Variants in SAR1A observed in about 807,000 individuals in gnomAD.
SAR1A encodes the protein secretion associated Ras related GTPase 1A.
In SAR1A, 6 loss-of-function variants were observed where a neutral mutation model predicts 22.6. That is an observed-to-expected ratio of 0.27 (90% CI 0.15 to 0.52). SAR1A has a LOEUF of 0.52. SAR1A is among the 20% of genes least tolerant of loss of function. SAR1A has a pLI of 0.96. For synonymous variants in SAR1A, 70 were observed against 82.2 expected (o/e 0.85, Z 0.80); for missense variants, 145 against 245.1 (o/e 0.59, Z 2.73).
chr10:70,163,881 C>T, intron 1 of SAR1A: 1 of 1,598,696 alleles, frequency 6.3e-7, no homozygotes, highest in Non-Finnish European at 8.6e-7. Context: ...AATTGACTTC[C>T]CTGAATTTCT....
At chr10:70,160,142 C>A (rs1023074189) in intron 4 of SAR1A, among the ~76,000 whole-genome samples, 1 of 151,598 alleles carries the variant, frequency 6.6e-6, no homozygotes, top group African/African-American at 2.4e-5. Flanking sequence ...ATATATGATA[C>A]CGTATACCTG....
intron 1 of SAR1A, among the ~76,000 whole-genome samples, chr10:70,168,924 C>G (rs1839588221): frequency 6.6e-6 from 1 of 152,072 alleles, no homozygotes; most frequent in Admixed American, 6.5e-5. Flanking sequence ...CTCCCAGGCT[C>G]AAGAGATCCT....
intron 5 of SAR1A, among the ~76,000 whole-genome samples, chr10:70,156,002 A>C (rs79821687): frequency 6.6e-6 from 1 of 152,220 alleles, no homozygotes; most frequent in East Asian, 1.9e-4. Flanking sequence ...ATTATGGTGC[A>C]TATCAGGGTC....
chr10:70,162,421 G>GGGAAAGGGAAAGGAAA lies in SAR1A; in HGVS notation c.-16-491_-16-490insTTTCCTTTCCCTTTCC, dbSNP rs1554827414. Among the ~76,000 whole-genome samples, 11 of 115,582 alleles carry GGGAAAGGGAAAGGAAA rather than the reference G, an allele frequency of 9.5e-5. No individual in the cohort carries two copies. The South Asian group carries it at 4.0e-3, about 42-fold the overall frequency. 75.8% of individuals were successfully genotyped at this position (115,582 alleles called of 152,430 possible). ...AAGGAAAGGGAAAGGGAAAGGGAAA[G>GGGAAAGGGAAAGGAAA]GGAAAGGAAAGGAAAGGAAAAGAAA... On this transcript the variant is annotated intron_variant, in intron 1 of 6. Coordinates refer to ENST00000373241, the MANE Select transcript of SAR1A (RefSeq NM_020150.5).
At position 70,152,042 on chromosome 10, in the gene SAR1A, TAAAA is replaced by T. The variant is rs535832748; in HGVS notation, c.*430_*433del. 3 of 187,658 alleles carry T rather than the reference TAAAA, an allele frequency of 1.6e-5. No homozygotes were observed. The highest frequency in any genetic ancestry group is 3.4e-5 in the Non-Finnish European group (3 of 89,384). The allele number at this position is 187,658 out of a possible 1,614,324, so 11.6% of individuals were successfully genotyped here. ...AGTATCTAAATGTCATTCATTAGTTTAAAAAAAAAAAAGAATAGAAAACTCTGGA... is the reference window on the plus strand; with the variant it reads ...AGTATCTAAATGTCATTCATTAGTTTAAAAAAAAGAATAGAAAACTCTGGA... On this transcript the variant is annotated 3_prime_UTR_variant, in exon 7 of 7. Transcript: ENST00000373241.
chr10:70,154,640 A>C (rs959962874), intron 5 of SAR1A, among the ~76,000 whole-genome samples: 2 of 151,688 alleles, frequency 1.3e-5, no homozygotes, highest in African/African-American at 4.9e-5. Flanking sequence ...GTATTTTTTT[A>C]GTAGAGATGG....
At chr10:70,163,620 G>C in intron 1 of SAR1A, 1 of 699,222 alleles carries the variant, frequency 1.4e-6, no homozygotes, top group East Asian at 2.6e-5. Context: ...ATCAGTCCAA[G>C]TGGAGCAAGT....
intron 1 of SAR1A, among the ~76,000 whole-genome samples, chr10:70,163,222 G>A (rs867635545): frequency 6.6e-6 from 1 of 152,168 alleles, no homozygotes; most frequent in African/African-American, 2.4e-5. Context: ...AAATGAAACA[G>A]CCTTATTGCT....
chr10:70,161,384 A>G (rs889633034), intron 3 of SAR1A: 1 of 565,808 alleles, frequency 1.8e-6, no homozygotes, highest in African/African-American at 1.9e-5. Context: ...ACTTCTTAGA[A>G]GTAGGTATAG....
chr10:70,152,394 T>C lies in SAR1A; in HGVS notation c.*82A>G. The C allele has an allele frequency of 1.7e-6, 2 of 1,147,190 alleles. No individual in the cohort carries two copies. Among genetic ancestry groups the C allele is most frequent in the Non-Finnish European group, 2.6e-6 (2 of 759,414 alleles). 71.1% of individuals were successfully genotyped at this position (1,147,190 alleles called of 1,614,324 possible). ...AGACATGGTTGGAGAGCTTTCCTTG[T>C]TCTATTAGAAAAGTTCATGAGGAAG... On this transcript the variant is annotated 3_prime_UTR_variant, in exon 7 of 7. Coordinates refer to ENST00000373241, the MANE Select transcript of SAR1A (RefSeq NM_020150.5).
chr10:70,156,659 G>A (rs540351910), intron 5 of SAR1A, among the ~76,000 whole-genome samples: 2 of 130,764 alleles, frequency 1.5e-5, no homozygotes, highest in Non-Finnish European at 3.3e-5. Context: ...GGCCACAGAG[G>A]AAGATTCTGT....
chr10:70,158,452 C>T (rs1839422794), intron 4 of SAR1A, among the ~76,000 whole-genome samples: 1 of 152,204 alleles, frequency 6.6e-6, no homozygotes, highest in Non-Finnish European at 1.5e-5. Context: ...CCAGTTATCT[C>T]AACCTACCAT....
At chr10:70,155,267 G>A in intron 5 of SAR1A, 1 of 315,692 alleles carries the variant, frequency 3.2e-6, no homozygotes, top group East Asian at 8.6e-5. Context: ...ACTGCAGGAG[G>A]CATTTTGAAG....
At chr10:70,160,181 G>A (rs931394645) in intron 4 of SAR1A, among the ~76,000 whole-genome samples, 1 of 151,352 alleles carries the variant, frequency 6.6e-6, no homozygotes, top group African/African-American at 2.4e-5. Flanking sequence ...GTATAAAAGA[G>A]ATTATCAGGA....
At chr10:70,169,277 A>C (rs549060636) in intron 1 of SAR1A, among the ~76,000 whole-genome samples, 2 of 152,278 alleles carry the variant, frequency 1.3e-5, no homozygotes, top group South Asian at 4.1e-4. Flanking sequence ...GAAAAAAAAA[A>C]AAACTAAAAC....
chr10:70,152,656 G>T, intron 6 of SAR1A, 64 bp from the exon 7 acceptor site: 2 of 1,076,000 alleles, frequency 1.9e-6, no homozygotes, highest in Non-Finnish European at 2.9e-6. Context: ...TTGAAAGGAC[G>T]ATCATTACAA....
chr10:70,155,513 T>C (rs1839377060), intron 5 of SAR1A, among the ~76,000 whole-genome samples: 1 of 152,182 alleles, frequency 6.6e-6, no homozygotes, highest in Admixed American at 6.5e-5. Flanking sequence ...AACAACAAAG[T>C]ACCTAATGTG....
chr10:70,162,073 C>G, intron 1 of SAR1A, 142 bp from the exon 2 acceptor site: 1 of 634,698 alleles, frequency 1.6e-6, no homozygotes, highest in East Asian at 3.0e-5. Context: ...GGCATGGTGG[C>G]TCACACCTGG....
In SAR1A at chr10:70,160,853, A is replaced by G. The variant is rs541385871; in HGVS notation, c.244+151T>C. Reference sequence around the variant, plus strand: ...AGTTTGAAATTACTTAAAAAAATAAATGAATAAAACAACTTCACTAAAGTA... The same window carrying G: ...AGTTTGAAATTACTTAAAAAAATAAGTGAATAAAACAACTTCACTAAAGTA... On this transcript the variant is annotated intron_variant, in intron 4 of 6. Coordinates refer to ENST00000373241, the MANE Select transcript of SAR1A (RefSeq NM_020150.5). 3 of 569,254 alleles carry G rather than the reference A, an allele frequency of 5.3e-6. No homozygotes were observed. The African/African-American group carries it at 5.8e-5, about 11-fold the overall frequency. The allele number at this position is 569,254 out of a possible 1,614,324, so 35.3% of individuals were successfully genotyped here.
Sources: allele counts gnomAD v4.1 joint callset (sites outside exome capture counted in the v4.1 genomes callset), GRCh38; gene constraint gnomAD v4.1.1; transcripts MANE v1.5; gene names NCBI Gene and HGNC (gene_info 2026-07-23, HGNC 2026-07-21).